RGS18: variants seen among roughly 807,000 people sequenced by gnomAD.
RGS18 encodes regulator of G protein signaling 18.
A neutral mutation model predicts 27.6 loss-of-function variants in RGS18; 22 were observed. That is an observed-to-expected ratio of 0.80 (90% CI 0.57 to 1.14). RGS18 has a LOEUF of 1.14. RGS18 is among the 50% of genes most tolerant of loss of function. RGS18 has a pLI of 0.00. For missense variants in RGS18, 299 were observed against 269.6 expected, an observed-to-expected ratio of 1.11 and a Z score of -0.76; for synonymous variants, 89 against 84.6, an observed-to-expected ratio of 1.05 and a Z score of -0.29.
Position 192,184,743 on chromosome 1 carries a change from C to A in RGS18, c.*189C>A. 1 of 530,102 alleles carries A rather than the reference C, an allele frequency of 1.9e-6. No individual in the cohort carries two copies. The highest frequency in any genetic ancestry group is 3.4e-5 in the Admixed American group (1 of 29,472). 32.8% of individuals were successfully genotyped at this position (530,102 alleles called of 1,614,324 possible). On this transcript the variant is annotated 3_prime_UTR_variant, in exon 5 of 5. Transcript: ENST00000367460. Reference sequence around the variant, plus strand: ...TATCTGCCAGTATATTCTGTAAAACCTTCTATTTGATGTCATTCCATTTAT... The same window carrying A: ...TATCTGCCAGTATATTCTGTAAAACATTCTATTTGATGTCATTCCATTTAT...
At chr1:192,170,926 G>A (rs1036342985) in intron 3 of RGS18, among the ~76,000 whole-genome samples, 3 of 152,086 alleles carry the variant, frequency 2.0e-5, no homozygotes, top group Admixed American at 6.6e-5. Context: ...ACAAGTCCAA[G>A]TTCTCAAATG....
rs746698535 is a variant in RGS18 at position 192,159,222 on chromosome 1, C to T, written c.122C>T (p.Ala41Val). The stretch of plus-strand genomic sequence containing the variant: ...ACATGAAGGCCTTTTTATTACAGAG[C>T]TAAGGAAAAAAGAAATAGACTAAGT... ...EETSKEAKIRAKEKRNRLSLL... is the reference protein window; with the variant it reads ...EETSKEAKIRVKEKRNRLSLL... Residue 41 changes from alanine (A) to valine (V), a missense_variant and splice_region_variant, in exon 2 of 5, where the codon GCT (alanine) becomes GTT (valine). Coordinates refer to ENST00000367460, the MANE Select transcript of RGS18 (RefSeq NM_130782.3). 9 of 1,608,054 alleles carry T rather than the reference C, an allele frequency of 5.6e-6. No homozygotes were observed. In the African/African-American group the frequency reaches 1.2e-4, roughly 22 times the overall value.
intron 3 of RGS18, among the ~76,000 whole-genome samples, chr1:192,177,452 A>G (rs1422200611): frequency 6.6e-6 from 1 of 151,700 alleles, no homozygotes; most frequent in Non-Finnish European, 1.5e-5. Flanking sequence ...TTAAATAATT[A>G]TTGAGTTATT....
intron 3 of RGS18, among the ~76,000 whole-genome samples, chr1:192,170,405 C>T (rs1053605139): frequency 3.9e-5 from 6 of 152,036 alleles, no homozygotes; most frequent in Non-Finnish European, 8.8e-5. Flanking sequence ...AGCCAGAGAC[C>T]TGCCTTTTTT....
At chr1:192,176,856 G>C (rs1246181833) in intron 3 of RGS18, among the ~76,000 whole-genome samples, 1 of 151,804 alleles carries the variant, frequency 6.6e-6, no homozygotes, top group African/African-American at 2.4e-5. Flanking sequence ...ACAGAGAGCA[G>C]TGTACCTCCA....
At chr1:192,179,971 G>A (rs767533653) in intron 3 of RGS18, among the ~76,000 whole-genome samples, 1 of 151,342 alleles carries the variant, frequency 6.6e-6, no homozygotes, top group Non-Finnish European at 1.5e-5. Flanking sequence ...GAGTACACGG[G>A]GTCTCTCCTA....
chr1:192,179,525 T>C (rs1483080216), intron 3 of RGS18, among the ~76,000 whole-genome samples: 3 of 151,618 alleles, frequency 2.0e-5, no homozygotes, highest in Non-Finnish European at 3.0e-5. Context: ...GATTTATTTG[T>C]AATAACTGAA....
chr1:192,180,063 G>C (rs542568498), intron 3 of RGS18, among the ~76,000 whole-genome samples: 9 of 151,660 alleles, frequency 5.9e-5, no homozygotes, highest in African/African-American at 2.2e-4. Flanking sequence ...AAAATAAGTA[G>C]AGTTAAAAAA....
intron 3 of RGS18, chr1:192,163,356 C>T (rs1425628814): frequency 3.9e-5 from 6 of 152,096 alleles, no homozygotes; most frequent in Non-Finnish European, 7.4e-5. Flanking sequence ...GGATTTCTTT[C>T]ACTTAATGAA....
intron 4 of RGS18, among the ~76,000 whole-genome samples, chr1:192,183,413 T>G (rs1410434266): frequency 6.6e-6 from 1 of 151,638 alleles, no homozygotes; most frequent in East Asian, 1.9e-4. Flanking sequence ...CCCAGCTCAT[T>G]TTTTCCCATG....
At chr1:192,165,211 T>C (rs1461799049) in intron 3 of RGS18, among the ~76,000 whole-genome samples, 1 of 152,140 alleles carries the variant, frequency 6.6e-6, no homozygotes, top group Non-Finnish European at 1.5e-5. Flanking sequence ...CCTGGTCTCC[T>C]GCAGCACCCC....
rs544845884 is a variant in RGS18 at position 192,162,567 on chromosome 1, G to A, written c.283+2128G>A. On this transcript the variant is annotated intron_variant, in intron 3 of 4. Coordinates refer to ENST00000367460, the MANE Select transcript of RGS18 (RefSeq NM_130782.3). ...CAAAGTGACGGGATTACAGGCGTGA[G>A]TCATCATGCCCAGCCCCAGTATACA... 6.2e-4 allele frequency among the ~76,000 whole-genome samples: 95 copies of A among 152,248 alleles called. 1 individual carries two copies. The highest frequency in any genetic ancestry group is 3.4e-3 in the Middle Eastern group (1 of 294).
At chr1:192,171,512 C>A (rs1656256746) in intron 3 of RGS18, among the ~76,000 whole-genome samples, 1 of 152,010 alleles carries the variant, frequency 6.6e-6, no homozygotes, top group African/African-American at 2.4e-5. Flanking sequence ...TGCTAACATC[C>A]GTTGCTCATG....
chr1:192,163,315 G>A (rs1382033771), intron 3 of RGS18: 1 of 152,052 alleles, frequency 6.6e-6, no homozygotes, highest in Non-Finnish European at 1.5e-5. Flanking sequence ...ATTAGAGGGT[G>A]AAAATTTCAA....
intron 3 of RGS18, among the ~76,000 whole-genome samples, chr1:192,173,523 A>G (rs2102156695): frequency 6.6e-6 from 1 of 151,992 alleles, no homozygotes; most frequent in South Asian, 2.1e-4. Flanking sequence ...TGTAAGATTA[A>G]AATACATTTT....
At chr1:192,159,625 A>G (rs1656035606) in intron 2 of RGS18, among the ~76,000 whole-genome samples, 1 of 152,198 alleles carries the variant, frequency 6.6e-6, no homozygotes, top group Non-Finnish European at 1.5e-5. Flanking sequence ...AAGAGTTTTC[A>G]CAATGCAATA....
Position 192,184,353 on chromosome 1 carries a change from C to T in RGS18, c.507C>T (p.Thr169=), listed in dbSNP as rs1488358264. 14 of 1,611,332 alleles carry T rather than the reference C, an allele frequency of 8.7e-6. No individual in the cohort carries two copies. The highest frequency in any genetic ancestry group is 2.2e-5 in the East Asian group (1 of 44,788). ...EVITNSITQP[T]LHSFDAAQSR... is the part of the protein sequence containing the mutation. ...TTACAAACAGCATCACTCAACCTAC[C>T]CTCCACAGTTTTGATGCTGCACAAA... The change falls in exon 5 of 5, where the codon ACC becomes ACT. Residue 169 remains threonine (T), a synonymous_variant. Coordinates refer to ENST00000367460, the MANE Select transcript of RGS18 (RefSeq NM_130782.3).
At chr1:192,167,651 C>T (rs1656185866) in intron 3 of RGS18, 1 of 152,116 alleles carries the variant, frequency 6.6e-6, no homozygotes, top group African/African-American at 2.4e-5. Context: ...GAACTGCTGA[C>T]CTAGTGATCC....
intron 3 of RGS18, among the ~76,000 whole-genome samples, chr1:192,178,933 G>A (rs114531548): frequency 1.8e-3 from 268 of 151,586 alleles, no homozygotes; most frequent in African/African-American, 6.1e-3. Flanking sequence ...TACAGTTGAA[G>A]TTCAGAAAAA....
Sources: gnomAD v4.1 joint callset for allele counts (sites outside exome capture counted in the v4.1 genomes callset) on GRCh38, gnomAD v4.1.1 for gene constraint, MANE v1.5 for transcripts, NCBI Gene and HGNC (gene_info 2026-07-23, HGNC 2026-07-21) for gene names.